The following COL19A1 variants were observed in gnomAD, a reference collection of about 807,000 sequenced individuals.
COL19A1 encodes the protein collagen alpha-1(XIX) chain.
A neutral mutation model predicts 190.2 loss-of-function variants in COL19A1; 159 were observed. That is an observed-to-expected ratio of 0.84 (90% CI 0.73 to 0.95). COL19A1 has a LOEUF of 0.95. COL19A1 is among the 40% of genes least tolerant of loss of function. The pLI is 0.00. For missense variants in COL19A1, 1,418 were observed against 1,431.9 expected (o/e 0.99, Z 0.16); for synonymous variants, 509 against 458.9 (o/e 1.11, Z -1.39).
intron 12 of COL19A1, among the ~76,000 whole-genome samples, chr6:70,027,232 G>C (rs1024322440): frequency 7.9e-5 from 12 of 152,208 alleles, no homozygotes; most frequent in Middle Eastern, 3.4e-3. Flanking sequence ...CTTTTTAATA[G>C]TCTTTATTGC....
chr6:70,139,024 C>T (rs1786063446), intron 19 of COL19A1, among the ~76,000 whole-genome samples: 1 of 152,112 alleles, frequency 6.6e-6, no homozygotes, highest in South Asian at 2.1e-4. Context: ...TGACACCAAC[C>T]TTCTCTTAAT....
chr6:70,100,490 TAAGAG>T (rs975367482), intron 15 of COL19A1, among the ~76,000 whole-genome samples: 3 of 151,780 alleles, frequency 2.0e-5, no homozygotes, highest in African/African-American at 4.8e-5. Flanking sequence ...AAATGAAAGA[TAAGAG>T]AAAACACTAC....
intron 15 of COL19A1, among the ~76,000 whole-genome samples, chr6:70,084,696 G>A (rs1471106870): frequency 1.3e-5 from 2 of 152,114 alleles, no homozygotes; most frequent in Non-Finnish European, 2.9e-5. Flanking sequence ...ATTAGGTGGT[G>A]GGTAGAGATG....
At chr6:69,893,781 C>G (rs769790165) in intron 2 of COL19A1, among the ~76,000 whole-genome samples, 2 of 152,140 alleles carry the variant, frequency 1.3e-5, no homozygotes, top group African/African-American at 2.4e-5. Context: ...CCTTTTAGGT[C>G]TGATAAACAT....
chr6:70,025,406 C>T (rs1308988708), intron 12 of COL19A1, among the ~76,000 whole-genome samples: 2 of 152,182 alleles, frequency 1.3e-5, no homozygotes, highest in Non-Finnish European at 2.9e-5. Context: ...AGATTATAAA[C>T]TTGAAAAGTC....
At chr6:70,005,644 C>T (rs7771757) in intron 11 of COL19A1, among the ~76,000 whole-genome samples, 11 of 152,036 alleles carry the variant, frequency 7.2e-5, no homozygotes, top group Admixed American at 1.3e-4. Context: ...TGGGTGGCAT[C>T]GGGAACAGGA....
intron 4 of COL19A1, among the ~76,000 whole-genome samples, chr6:69,907,107 ATTTTTTTTTTTT>A (rs56927758): frequency 3.1e-5 from 4 of 129,404 alleles, no homozygotes; most frequent in African/African-American, 1.2e-4. Context: ...TATTATTATT[ATTTTTTTTTTTT>A]TTTTTTTTTG....
chr6:70,140,711 G>T (rs557593095), intron 19 of COL19A1, among the ~76,000 whole-genome samples: 1 of 152,134 alleles, frequency 6.6e-6, no homozygotes, highest in Admixed American at 6.6e-5. Flanking sequence ...CAGCCACTTG[G>T]GATTTTATAA....
At chr6:70,046,769 A>G (rs986722382) in intron 14 of COL19A1, among the ~76,000 whole-genome samples, 1 of 152,240 alleles carries the variant, frequency 6.6e-6, no homozygotes, top group Admixed American at 6.5e-5. Flanking sequence ...AAACTCATAG[A>G]TGGTAAAATT....
rs550144425 is a variant in COL19A1 at position 70,156,159 on chromosome 6, A to T, written c.2112A>T (p.Pro704=). The change falls in exon 32 of 51, where the codon CCA becomes CCT. Residue 704 remains proline (P), a synonymous_variant. Coordinates refer to ENST00000620364, the MANE Select transcript of COL19A1 (RefSeq NM_001858.6). ...GTGGCAACTGCCAAGCCAGTGTCCC[A>T]GGGCTGAAAAGCAACAAAGGAGAAG... ...NFCGNCQASV[P]GLKSNKGEEG... 8.7e-6 allele frequency: 14 copies of T among 1,613,222 alleles called. No individual in the cohort carries two copies. The Admixed American group carries it at 1.7e-4, about 19-fold the overall frequency.
intron 15 of COL19A1, among the ~76,000 whole-genome samples, chr6:70,075,586 A>G (rs1253682163): frequency 6.6e-6 from 1 of 152,240 alleles, no homozygotes; most frequent in Non-Finnish European, 1.5e-5. Flanking sequence ...GCACAGGCTA[A>G]TTAAAATCAG....
intron 15 of COL19A1, among the ~76,000 whole-genome samples, chr6:70,088,359 A>G (rs1195788417): frequency 6.6e-6 from 1 of 152,076 alleles, no homozygotes; most frequent in Non-Finnish European, 1.5e-5. Context: ...ATGAAAGAGG[A>G]TGTACTAGTG....
chr6:70,173,714 T>C (rs1765637594), intron 41 of COL19A1, among the ~76,000 whole-genome samples: 1 of 152,030 alleles, frequency 6.6e-6, no homozygotes, highest in African/African-American at 2.4e-5. Flanking sequence ...AAAAATAGAG[T>C]CAGCAAGTCA....
intron 15 of COL19A1, chr6:70,098,544 A>G (rs575609867): frequency 3.6e-4 from 161 of 451,566 alleles, no homozygotes; most frequent in African/African-American, 3.0e-3. Flanking sequence ...CTTCAGTTAT[A>G]CTTCCTCTTG....
intron 6 of COL19A1, among the ~76,000 whole-genome samples, chr6:69,932,316 CTTG>C (rs1772810728): frequency 6.6e-6 from 1 of 151,590 alleles, no homozygotes; most frequent in African/African-American, 2.4e-5. Context: ...ATTTTTTTTC[CTTG>C]TTGGTAAGTG....
chr6:69,998,733 C>T (rs990472349), intron 11 of COL19A1, among the ~76,000 whole-genome samples: 4 of 151,742 alleles, frequency 2.6e-5, no homozygotes, highest in African/African-American at 9.7e-5. Context: ...ACCTTAGTTC[C>T]CTCATTTTAT....
intron 48 of COL19A1, among the ~76,000 whole-genome samples, chr6:70,196,564 G>C (rs1282378957): frequency 6.6e-6 from 1 of 152,152 alleles, no homozygotes; most frequent in East Asian, 1.9e-4. Flanking sequence ...ACATGTGTGT[G>C]TTCCTTCCTT....
chr6:70,042,665 G>A (rs1187016483), intron 14 of COL19A1, among the ~76,000 whole-genome samples: 1 of 152,098 alleles, frequency 6.6e-6, no homozygotes, highest in African/African-American at 2.4e-5. Flanking sequence ...TTTCTCTGTA[G>A]CATGTGATGC....
intron 14 of COL19A1, among the ~76,000 whole-genome samples, chr6:70,059,207 A>C (rs189209765): frequency 6.6e-6 from 1 of 152,264 alleles, no homozygotes; most frequent in Admixed American, 6.5e-5. Context: ...ACACTTGCAT[A>C]ACATTTTTGT....
Sources: gnomAD v4.1 joint callset for allele counts (sites outside exome capture counted in the v4.1 genomes callset) on GRCh38, gnomAD v4.1.1 for gene constraint, MANE v1.5 for transcripts, NCBI Gene and HGNC (gene_info 2026-07-23, HGNC 2026-07-21) for gene names.